ANKRD22: variants seen among roughly 807,000 people sequenced by gnomAD.
The protein encoded by ANKRD22 is ankyrin repeat domain 22, also known as ankyrin repeat domain-containing protein 22.
In ANKRD22, 24 loss-of-function variants were observed where a neutral mutation model predicts 25.7. The observed-to-expected ratio is 0.93, with a 90% CI of 0.68 to 1.31. ANKRD22 has a LOEUF of 1.31. ANKRD22 is among the 50% of genes most tolerant of loss of function. The pLI is 0.00. For synonymous variants in ANKRD22, 84 were observed against 84.3 expected, an observed-to-expected ratio of 1.00 and a Z score of 0.02; for missense variants, 214 against 227.1, an observed-to-expected ratio of 0.94 and a Z score of 0.37.
At chr10:88,833,707 TAAAAATG>T (rs1048151442) in intron 1 of ANKRD22, among the ~76,000 whole-genome samples, 1 of 152,190 alleles carries the variant, frequency 6.6e-6, no homozygotes, top group African/African-American at 2.4e-5. Context: ...TTCTGTACCT[TAAAAATG>T]AAATGAACAT....
At chr10:88,831,216 A>G (rs1843900228) in intron 2 of ANKRD22, among the ~76,000 whole-genome samples, 3 of 152,242 alleles carry the variant, frequency 2.0e-5, no homozygotes, top group Admixed American at 2.0e-4. Context: ...AGGGCTCCAC[A>G]AGGATTTTCA....
chr10:88,851,714 G>A lies in ANKRD22; in HGVS notation c.-107C>T. On this transcript the variant is annotated 5_prime_UTR_variant, in exon 1 of 6. Coordinates refer to ENST00000371930, the MANE Select transcript of ANKRD22 (RefSeq NM_144590.3). ...CTGGCTGAGAGGAAAGTCCCTAGAA[G>A]TCCAAGCTGGTGGCAAGCTCCAGGA... The A allele has an allele frequency of 7.4e-7, 1 of 1,342,362 alleles. No individual in the cohort carries two copies. The highest frequency in any genetic ancestry group is 1.1e-6 in the Non-Finnish European group (1 of 939,950). The allele number at this position is 1,342,362 out of a possible 1,614,324, so 83.2% of individuals were successfully genotyped here. A position where few individuals can be genotyped will look rare whatever the true frequency, so the allele number is the denominator to read the frequency against.
In ANKRD22 at chr10:88,822,745, T is replaced by C; in HGVS notation, c.*196A>G. The C allele has an allele frequency of 3.6e-6, 2 of 555,430 alleles. No individual in the cohort carries two copies. The highest frequency in any genetic ancestry group is 6.3e-5 in the East Asian group (2 of 31,750). 34.4% of individuals were successfully genotyped at this position (555,430 alleles called of 1,614,324 possible). On this transcript the variant is annotated 3_prime_UTR_variant, in exon 6 of 6. Transcript: ENST00000371930. ...ACTTTAGTGTTTCCCTTAGAAGGAT[T>C]ACGGCCATGGTGAACTTGACTGAGT...
At chr10:88,841,429 G>C (rs1442497795) in intron 1 of ANKRD22, among the ~76,000 whole-genome samples, 1 of 152,112 alleles carries the variant, frequency 6.6e-6, no homozygotes, top group Non-Finnish European at 1.5e-5. Flanking sequence ...CATTTCATTG[G>C]TGTAACCACT....
chr10:88,820,559 G>A lies in ANKRD22; in HGVS notation c.*2382C>T. ...CCTGAGGGATGGGGCTAGGACCCATGAAGGCAGAATTACGGAGAGCAGAGA... is the reference window on the plus strand; with the variant it reads ...CCTGAGGGATGGGGCTAGGACCCATAAAGGCAGAATTACGGAGAGCAGAGA... On this transcript the variant is annotated 3_prime_UTR_variant, in exon 6 of 6. Coordinates refer to ENST00000371930, the MANE Select transcript of ANKRD22 (RefSeq NM_144590.3). The A allele has an allele frequency of 6.8e-7, 1 of 1,480,936 alleles. No individual in the cohort carries two copies. The highest frequency in any genetic ancestry group is 1.3e-5 in the South Asian group (1 of 76,946). The allele number at this position is 1,480,936 out of a possible 1,614,324, so 91.7% of individuals were successfully genotyped here.
intron 1 of ANKRD22, among the ~76,000 whole-genome samples, chr10:88,835,169 AAAG>A (rs1843942340): frequency 1.3e-5 from 2 of 152,160 alleles, no homozygotes; most frequent in Admixed American, 1.3e-4. Context: ...AGCTAACTAA[AAAG>A]AAGAAGAGGA....
At chr10:88,841,561 CA>C (rs1194524067) in intron 1 of ANKRD22, among the ~76,000 whole-genome samples, 36 of 152,234 alleles carry the variant, frequency 2.4e-4, no homozygotes, top group African/African-American at 8.7e-4. Context: ...AATACACCAG[CA>C]ACAGGAACTG....
In ANKRD22 at chr10:88,820,497, T is replaced by C; in HGVS notation, c.*2444A>G. ...TCCCAGGGACGGTGTGAGGCCGTAT[T>C]GTGAAGCATCTGACACTGACGATCT... On this transcript the variant is annotated 3_prime_UTR_variant, in exon 6 of 6. Coordinates refer to ENST00000371930, the MANE Select transcript of ANKRD22 (RefSeq NM_144590.3). 1 of 1,550,018 alleles carries C rather than the reference T, an allele frequency of 6.5e-7. No homozygotes were observed. The highest frequency in any genetic ancestry group is 8.7e-7 in the Non-Finnish European group (1 of 1,146,670).
At position 88,820,245 on chromosome 10, in the gene ANKRD22, G is replaced by T; in HGVS notation, c.*2696C>A. 6.4e-7 allele frequency: 1 copy of T among 1,551,126 alleles called. No homozygotes were observed. Among genetic ancestry groups the T allele is most frequent in the Non-Finnish European group, 8.7e-7 (1 of 1,146,902 alleles). ...CCTTTTCTCTAGCCAACTCCTGTAA[G>T]GTACAGAGTCAGAGATATGACGGTC... On this transcript the variant is annotated 3_prime_UTR_variant, in exon 6 of 6. Coordinates refer to ENST00000371930, the MANE Select transcript of ANKRD22 (RefSeq NM_144590.3).
At chr10:88,840,272 T>C (rs925346273) in intron 1 of ANKRD22, among the ~76,000 whole-genome samples, 3 of 152,206 alleles carry the variant, frequency 2.0e-5, no homozygotes, top group Admixed American at 2.0e-4. Context: ...TCCGGTATGT[T>C]GATGATTAAC....
chr10:88,842,994 T>C (rs1844016003), intron 1 of ANKRD22, among the ~76,000 whole-genome samples: 1 of 152,168 alleles, frequency 6.6e-6, no homozygotes. Flanking sequence ...TTTTCCTCTC[T>C]GGTCCTTCAT....
intron 1 of ANKRD22, among the ~76,000 whole-genome samples, chr10:88,843,298 G>A (rs1302919209): frequency 6.6e-6 from 1 of 152,136 alleles, no homozygotes; most frequent in Non-Finnish European, 1.5e-5. Context: ...GTTGCTGAAA[G>A]ACCTCATCCC....
chr10:88,847,829 A>G (rs1269237653), intron 1 of ANKRD22, among the ~76,000 whole-genome samples: 2 of 152,144 alleles, frequency 1.3e-5, no homozygotes, highest in Admixed American at 1.3e-4. Context: ...TCTTGGCCCC[A>G]TGGAGGCAGA....
chr10:88,851,147 C>T (rs75573422), intron 1 of ANKRD22, among the ~76,000 whole-genome samples: 5,521 of 152,120 alleles, frequency 0.036, 189 homozygotes, highest in East Asian at 0.17. Flanking sequence ...AAAGGTGAAT[C>T]TCCCTTCAAA....
chr10:88,835,964 T>A (rs566800459), intron 1 of ANKRD22, among the ~76,000 whole-genome samples: 28 of 152,284 alleles, frequency 1.8e-4, no homozygotes, highest in Non-Finnish European at 3.4e-4. Flanking sequence ...AGCTCTGTAA[T>A]TTGGGGGCAC....
At chr10:88,839,310 G>T (rs868636967) in intron 1 of ANKRD22, among the ~76,000 whole-genome samples, 1 of 152,232 alleles carries the variant, frequency 6.6e-6, no homozygotes, top group Admixed American at 6.5e-5. Context: ...TTGAAATGGG[G>T]TGTAATGTGC....
At chr10:88,837,064 G>C (rs550099714) in intron 1 of ANKRD22, among the ~76,000 whole-genome samples, 12 of 152,278 alleles carry the variant, frequency 7.9e-5, no homozygotes, top group East Asian at 5.8e-4. Flanking sequence ...TTCAAAGAGG[G>C]GGGTAGCAGT....
intron 1 of ANKRD22, among the ~76,000 whole-genome samples, chr10:88,832,241 T>C (rs1286304109): frequency 6.6e-6 from 1 of 152,150 alleles, no homozygotes; most frequent in African/African-American, 2.4e-5. Context: ...TCCTAAGTTT[T>C]CTTGGCACAC....
Position 88,820,427 on chromosome 10 carries a change from T to C in ANKRD22, c.*2514A>G. ...GGGTTTGGATGCTCCTCACCGTATG[T>C]ACAATGAAATCATCCATCTGATGCA... On this transcript the variant is annotated 3_prime_UTR_variant, in exon 6 of 6. Coordinates refer to ENST00000371930, the MANE Select transcript of ANKRD22 (RefSeq NM_144590.3). 1.9e-6 allele frequency: 3 copies of C among 1,552,088 alleles called. No homozygotes were observed. Among genetic ancestry groups the C allele is most frequent in the Non-Finnish European group, 2.6e-6 (3 of 1,147,054 alleles).
Sources: allele counts gnomAD v4.1 joint callset (sites outside exome capture counted in the v4.1 genomes callset), GRCh38; gene constraint gnomAD v4.1.1; transcripts MANE v1.5; gene names NCBI Gene and HGNC (gene_info 2026-07-23, HGNC 2026-07-21).